Variants in SLMAP observed in about 807,000 individuals in gnomAD.
SLMAP encodes the protein sarcolemmal membrane-associated protein.
Under a neutral mutation model 128.8 loss-of-function variants are expected in SLMAP, and 44 were observed. That is an observed-to-expected ratio of 0.34 (90% confidence interval 0.27 to 0.44). The LOEUF (loss-of-function observed/expected upper bound fraction) is 0.44, where lower values mean the gene tolerates loss of function less well. SLMAP is among the 20% of genes least tolerant of loss of function. The pLI, the probability that SLMAP is intolerant of heterozygous loss-of-function variation, is 1.00. For synonymous variants in SLMAP, 327 were observed against 348.8 expected, an observed-to-expected ratio of 0.94 and a Z score of 0.70; for missense variants, 787 against 985.3, an observed-to-expected ratio of 0.80 and a Z score of 2.69.
intron 6 of SLMAP, among the ~76,000 whole-genome samples, chr3:57,850,492 C>T (rs913393548): frequency 6.6e-6 from 1 of 152,110 alleles, no homozygotes; most frequent in Non-Finnish European, 1.5e-5. Context: ...GATCAGAACT[C>T]ACTACAGCCT....
intron 2 of SLMAP, among the ~76,000 whole-genome samples, chr3:57,808,909 A>G (rs921595128): frequency 6.6e-6 from 1 of 152,202 alleles, no homozygotes; most frequent in African/African-American, 2.4e-5. Context: ...TAGGTCTCTA[A>G]GAACTTGTTT....
At position 57,917,063 on chromosome 3, in the gene SLMAP, G is replaced by A; in HGVS notation, c.2296G>A (p.Asp766Asn). The stretch of plus-strand genomic sequence containing the variant: ...CAGTAAGGCAGAAAACCAAGCAAAG[G>A]ATGTGCAGAAAGAGGTAAAGCGAAA... The part of the protein sequence containing the change: ...LLSKAENQAK[D>N]VQKEYEKTQT... The change falls in exon 22 of 25, where the codon GAT becomes AAT. Residue 766 changes from aspartate (D) to asparagine (N), a missense_variant. Physicochemically the swap from Asp to Asn is conservative, Grantham distance 23 (BLOSUM62 1). Around this residue, in one of 2 missense-constraint regions of SLMAP, gnomAD observed 715 missense variants for 843.6 expected, o/e 0.85. Coordinates refer to ENST00000671191, the MANE Select transcript of SLMAP (RefSeq NM_001377540.1). 4 of 1,613,818 alleles carry A rather than the reference G, an allele frequency of 2.5e-6. No homozygotes were observed. The South Asian group carries it at 4.4e-5, about 18-fold the overall frequency.
intron 2 of SLMAP, among the ~76,000 whole-genome samples, chr3:57,786,938 A>T (rs559011788): frequency 2.0e-5 from 3 of 151,938 alleles, no homozygotes; most frequent in South Asian, 2.1e-4. Context: ...GGGTTTCACC[A>T]TGTTAGCCAG....
At chr3:57,900,497 G>A (rs558113132) in intron 17 of SLMAP, 2 of 152,330 alleles carry the variant, frequency 1.3e-5, no homozygotes, top group African/African-American at 4.8e-5. Context: ...AACCTTGCCA[G>A]GGACTGCAGT....
chr3:57,885,094 C>T (rs1352428739), intron 14 of SLMAP, among the ~76,000 whole-genome samples: 2 of 124,470 alleles, frequency 1.6e-5, no homozygotes, highest in Middle Eastern at 4.6e-3. Flanking sequence ...TTTTTTGAAA[C>T]GGAGTTTCGC....
intron 2 of SLMAP, among the ~76,000 whole-genome samples, chr3:57,793,584 T>A (rs2153478631): frequency 6.6e-6 from 1 of 152,332 alleles, no homozygotes; most frequent in South Asian, 2.1e-4. Context: ...AATTAATTTG[T>A]CCTATTAATT....
At chr3:57,796,591 A>T (rs566690879) in intron 2 of SLMAP, among the ~76,000 whole-genome samples, 1 of 152,252 alleles carries the variant, frequency 6.6e-6, no homozygotes, top group Admixed American at 6.5e-5. Context: ...CAGTCACCAT[A>T]TAAGTATTAG....
chr3:57,922,178 A>G (rs540640331), intron 22 of SLMAP, among the ~76,000 whole-genome samples: 1 of 152,302 alleles, frequency 6.6e-6, no homozygotes, highest in East Asian at 1.9e-4. Context: ...CTTCAAGACT[A>G]AAATAGCTTG....
intron 17 of SLMAP, among the ~76,000 whole-genome samples, chr3:57,906,310 C>CTTTTTTTTTTTTTTCTTTTTTTT (rs2096551850): frequency 2.1e-5 from 1 of 47,048 alleles, no homozygotes; most frequent in Non-Finnish European, 4.2e-5. Context: ...CTTTTTTTTT[C>CTTTTTTTTTTTTTTCTTTTTTTT]TTTTTTTTTT....
intron 2 of SLMAP, among the ~76,000 whole-genome samples, chr3:57,791,608 A>T (rs1675930540): frequency 2.0e-5 from 3 of 152,230 alleles, no homozygotes; most frequent in Admixed American, 1.3e-4. Flanking sequence ...TAATTTTCTC[A>T]GTTATGACTC....
chr3:57,784,489 C>CTA (rs1224486155), intron 2 of SLMAP, among the ~76,000 whole-genome samples: 2 of 152,154 alleles, frequency 1.3e-5, no homozygotes, highest in Non-Finnish European at 2.9e-5. Context: ...AGTGTCTGTC[C>CTA]TATGCCTGTG....
intron 3 of SLMAP, among the ~76,000 whole-genome samples, chr3:57,833,688 G>T (rs530242757): frequency 6.6e-6 from 1 of 152,046 alleles, no homozygotes; most frequent in Admixed American, 6.5e-5. Flanking sequence ...AAAGTGCTGG[G>T]ATTACAGGCT....
intron 4 of SLMAP, among the ~76,000 whole-genome samples, chr3:57,843,290 TCTTTCTTTCTTTTCC>T (rs2094031781): frequency 6.7e-6 from 1 of 148,724 alleles, no homozygotes. Flanking sequence ...TTTTCTTTTT[TCTTTCTTTCTTTTCC>T]TTTTTTTTTT....
chr3:57,785,354 A>G (rs1559976745), intron 2 of SLMAP, among the ~76,000 whole-genome samples: 1 of 152,342 alleles, frequency 6.6e-6, no homozygotes, highest in East Asian at 1.9e-4. Flanking sequence ...TTGGACAGAA[A>G]GTTAAACATT....
rs541646121 is a variant in SLMAP, at chr3:57,836,682, A to G, written c.347-4617A>G. Among the ~76,000 whole-genome samples, 29 of 152,330 alleles carry G rather than the reference A, an allele frequency of 1.9e-4. No homozygotes were observed. The South Asian group carries it at 6.0e-3, about 32-fold the overall frequency. Reference sequence around the variant, plus strand: ...TTGGCATTCTTTGTGTATGGCTTCAAGGAGAAAACTCAATGGTCAGGCATG... The same window carrying G: ...TTGGCATTCTTTGTGTATGGCTTCAGGGAGAAAACTCAATGGTCAGGCATG... On this transcript the variant is annotated intron_variant, in intron 3 of 24. Transcript: ENST00000671191.
intron 14 of SLMAP, among the ~76,000 whole-genome samples, chr3:57,888,255 C>T (rs917904398): frequency 2.6e-5 from 4 of 151,814 alleles, no homozygotes; most frequent in Admixed American, 1.3e-4. Flanking sequence ...CTGAGTATAC[C>T]GAAGGCCATA....
intron 2 of SLMAP, among the ~76,000 whole-genome samples, chr3:57,773,787 T>G (rs886786946): frequency 1.1e-4 from 16 of 151,744 alleles, no homozygotes; most frequent in African/African-American, 3.6e-4. Flanking sequence ...TAATATAATT[T>G]ATTTTCTTTT....
chr3:57,890,150 A>C (rs1253197006), intron 15 of SLMAP, 50 bp downstream of exon 15: 1 of 1,560,806 alleles, frequency 6.4e-7, no homozygotes, highest in Non-Finnish European at 8.8e-7. Flanking sequence ...TGGATAATGA[A>C]GGTTAGTGTA....
At chr3:57,903,021 A>T (rs899749783) in intron 17 of SLMAP, among the ~76,000 whole-genome samples, 1 of 152,192 alleles carries the variant, frequency 6.6e-6, no homozygotes, top group African/African-American at 2.4e-5. Context: ...AGATACAGAG[A>T]TAAGATACAC....
Sources: allele counts gnomAD v4.1 joint callset (sites outside exome capture counted in the v4.1 genomes callset), GRCh38; gene constraint gnomAD v4.1.1; regional missense constraint gnomAD v4.1.1; transcripts MANE v1.5; gene names NCBI Gene and HGNC (gene_info 2026-07-23, HGNC 2026-07-21).